BARX2: variants seen among roughly 807,000 people sequenced by gnomAD.
BARX2 encodes the protein BARX homeobox 2, also known as homeobox protein BarH-like 2.
A neutral mutation model predicts 25.5 loss-of-function variants in BARX2; 11 were observed. The ratio of observed to expected loss-of-function variants is 0.43; its 90% CI spans 0.27 to 0.71. The LOEUF (loss-of-function observed/expected upper bound fraction) is 0.71, where lower values mean the gene tolerates loss of function less well. Among genes scored for constraint, BARX2 ranks in the 30% least tolerant of loss-of-function variants. The pLI, the probability that BARX2 is intolerant of heterozygous loss-of-function variation, is 0.19. For synonymous variants in BARX2, 137 were observed against 149.5 expected (o/e 0.92, Z 0.61); for missense variants, 360 against 359.9 (o/e 1.00, Z 0.00).
chr11:129,390,426 G>A lies in BARX2; in HGVS notation c.187+14204G>A, dbSNP rs537772016. 3.0e-4 allele frequency among the ~76,000 whole-genome samples: 46 copies of A among 152,220 alleles called. No individual in the cohort carries two copies. The highest frequency in any genetic ancestry group is 5.1e-4 in the Non-Finnish European group (35 of 68,000). The stretch of plus-strand genomic sequence containing the variant: ...TAGGACTCAGTCAGAGACATGGATC[G>A]TTGGCATCTTGTTGAGAATATTCTA... On this transcript the variant is annotated intron_variant, in intron 1 of 3. Coordinates refer to ENST00000281437, the MANE Select transcript of BARX2 (RefSeq NM_003658.5). The surrounding 1 kb of genome is among the most constrained non-coding windows in gnomAD (Gnocchi z 4.3).
chr11:129,379,887 G>C (rs1293695212), intron 1 of BARX2, among the ~76,000 whole-genome samples: 5 of 151,334 alleles, frequency 3.3e-5, no homozygotes, highest in African/African-American at 1.2e-4. Context: ...TTTACAGCCT[G>C]CGAATAGGAT....
At chr11:129,389,523 G>A (rs871640) in intron 1 of BARX2, among the ~76,000 whole-genome samples, 13,196 of 151,870 alleles carry the variant, frequency 0.087, 731 homozygotes, top group African/African-American at 0.16. Context: ...AAACAGGTCA[G>A]CGCTACAACA....
chr11:129,423,860 C>CT (rs111828730), intron 1 of BARX2, among the ~76,000 whole-genome samples: 2,967 of 142,972 alleles, frequency 0.021, 41 homozygotes, highest in Middle Eastern at 0.045. Context: ...TCTCTCTCTC[C>CT]TTTTTTTTTT....
intron 3 of BARX2, among the ~76,000 whole-genome samples, chr11:129,446,106 GC>G (rs975363683): frequency 6.6e-6 from 1 of 152,074 alleles, no homozygotes; most frequent in Non-Finnish European, 1.5e-5. Context: ...ATTTAATCTT[GC>G]ATATTTAAGA....
intron 1 of BARX2, among the ~76,000 whole-genome samples, chr11:129,416,307 A>AG (rs1175432977): frequency 1.3e-5 from 2 of 151,672 alleles, no homozygotes; most frequent in African/African-American, 4.8e-5. Flanking sequence ...GGGTGTGGCT[A>AG]GGGGGCGGAG....
intron 2 of BARX2, among the ~76,000 whole-genome samples, chr11:129,440,379 G>T (rs1862242562): frequency 6.6e-6 from 1 of 152,196 alleles, no homozygotes; most frequent in African/African-American, 2.4e-5. Context: ...AGGTGAACTG[G>T]GCTCGGGAAG....
In BARX2 at chr11:129,394,217, G is replaced by A. The variant is rs367567492; in HGVS notation, c.187+17995G>A. Among the ~76,000 whole-genome samples, 8 of 152,204 alleles carry A rather than the reference G, an allele frequency of 5.3e-5. No homozygotes were observed. The East Asian group carries it at 1.2e-3, about 22-fold the overall frequency. ...CCCAGATTCCTCTCTGCTGTTGTGT[G>A]TACCTACGGTTCACTCATTTTCATT... On this transcript the variant is annotated intron_variant, in intron 1 of 3. Coordinates refer to ENST00000281437, the MANE Select transcript of BARX2 (RefSeq NM_003658.5).
intron 1 of BARX2, among the ~76,000 whole-genome samples, chr11:129,386,279 A>G (rs1861615960): frequency 6.6e-6 from 1 of 152,128 alleles, no homozygotes; most frequent in African/African-American, 2.4e-5. Flanking sequence ...CCTTGCTTTT[A>G]TGAGTATTTG....
chr11:129,417,185 GCC>G (rs2135401376), intron 1 of BARX2, among the ~76,000 whole-genome samples: 1 of 152,274 alleles, frequency 6.6e-6, no homozygotes, highest in African/African-American at 2.4e-5. Flanking sequence ...ACAGGTGTGA[GCC>G]ACCGTGCCTG....
intron 1 of BARX2, among the ~76,000 whole-genome samples, chr11:129,421,376 T>C (rs1200415815): frequency 6.6e-6 from 1 of 152,218 alleles, no homozygotes; most frequent in Non-Finnish European, 1.5e-5. Context: ...AACAAAATCC[T>C]TCCATCAAAC....
At chr11:129,415,717 A>G (rs2135400611) in intron 1 of BARX2, among the ~76,000 whole-genome samples, 1 of 152,356 alleles carries the variant, frequency 6.6e-6, no homozygotes, top group East Asian at 1.9e-4. Flanking sequence ...ATACATTTAG[A>G]TATTTATCAA....
At chr11:129,416,732 T>C (rs1861946982) in intron 1 of BARX2, among the ~76,000 whole-genome samples, 1 of 152,066 alleles carries the variant, frequency 6.6e-6, no homozygotes, top group African/African-American at 2.4e-5. Context: ...CTGACTCTCA[T>C]AGCTTCATTA....
chr11:129,402,750 A>C (rs1861790843), intron 1 of BARX2, among the ~76,000 whole-genome samples: 1 of 152,214 alleles, frequency 6.6e-6, no homozygotes, highest in Non-Finnish European at 1.5e-5. Flanking sequence ...CTAAAGGAGA[A>C]ATCAGTGAAT....
At chr11:129,394,908 C>T (rs181477724) in intron 1 of BARX2, among the ~76,000 whole-genome samples, 38 of 149,398 alleles carry the variant, frequency 2.5e-4, no homozygotes, top group African/African-American at 8.9e-4. Context: ...AGGTTTAGGA[C>T]AGGCAGGAAG....
intron 1 of BARX2, among the ~76,000 whole-genome samples, chr11:129,428,801 G>C (rs1388705132): frequency 6.6e-6 from 1 of 152,178 alleles, no homozygotes; most frequent in Admixed American, 6.5e-5. Context: ...TGACAATGGT[G>C]ATCCTTTTAA....
Position 129,376,394 on chromosome 11 carries a change from C to A in BARX2, c.187+172C>A, listed in dbSNP as rs1861504667. On this transcript the variant is annotated intron_variant, in intron 1 of 3. Transcript: ENST00000281437. The surrounding 1 kb of genome is among the most constrained non-coding windows in gnomAD (Gnocchi z 4.2). ...GCATCTGCGACGTGGCCGGGAAGGACCACGCAAGGTGTGGATGGCACGAGT... is the reference window on the plus strand; with the variant it reads ...GCATCTGCGACGTGGCCGGGAAGGAACACGCAAGGTGTGGATGGCACGAGT... 6.6e-6 allele frequency among the ~76,000 whole-genome samples: 1 copy of A among 152,206 alleles called. No homozygotes were observed. The highest frequency in any genetic ancestry group is 2.4e-5 in the African/African-American group (1 of 41,450).
intron 1 of BARX2, among the ~76,000 whole-genome samples, chr11:129,389,715 CTT>C (rs1366361708): frequency 4.6e-5 from 3 of 65,032 alleles, no homozygotes; most frequent in African/African-American, 1.4e-4. Context: ...TAGGGATAGT[CTT>C]TTTTTTTTTT....
intron 2 of BARX2, among the ~76,000 whole-genome samples, chr11:129,440,042 A>C (rs1862238478): frequency 6.6e-6 from 1 of 152,130 alleles, no homozygotes; most frequent in Non-Finnish European, 1.5e-5. Flanking sequence ...CTGGCATGGA[A>C]GCTGCCATCT....
Position 129,414,152 on chromosome 11 carries a change from G to A in BARX2, c.188-22599G>A, listed in dbSNP as rs77536800. ...TTGAACTTCCTTACATTACCGTGAG[G>A]AAGGGAGGTTTTGGAGTTCAGAATG... On this transcript the variant is annotated intron_variant, in intron 1 of 3. Transcript: ENST00000281437. 7.0e-4 allele frequency among the ~76,000 whole-genome samples: 106 copies of A among 152,198 alleles called. No individual in the cohort carries two copies. In the East Asian group the frequency reaches 0.018, roughly 26 times the overall value.
Sources: allele counts gnomAD v4.1 joint callset (sites outside exome capture counted in the v4.1 genomes callset), GRCh38; gene constraint gnomAD v4.1.1; non-coding constraint Gnocchi (gnomAD v3.1); transcripts MANE v1.5; gene names NCBI Gene and HGNC (gene_info 2026-07-23, HGNC 2026-07-21).